Variants in TNRC18 observed in about 807,000 individuals in gnomAD.
TNRC18 encodes trinucleotide repeat containing 18, also known as trinucleotide repeat-containing gene 18 protein.
TNRC18 carries 69 observed loss-of-function variants against 226.7 expected under a neutral mutation model. The observed-to-expected ratio is 0.30, with a 90% CI of 0.25 to 0.37. TNRC18 has a LOEUF of 0.37. TNRC18 is among the 10% of genes least tolerant of loss of function. The pLI, the probability that TNRC18 is intolerant of heterozygous loss-of-function variation, is 1.00. For missense variants in TNRC18, 4,754 were observed against 4,256.6 expected (o/e 1.12, Z -3.25); for synonymous variants, 2,449 against 1,927.6 (o/e 1.27, Z -7.09).
At position 5,381,217 on chromosome 7, in the gene TNRC18, G is replaced by C. The variant is rs1341728595; in HGVS notation, c.2153-3193C>G. Among the ~76,000 whole-genome samples the C allele has an allele frequency of 5.3e-5, 8 of 152,312 alleles. No homozygotes were observed. The South Asian group carries it at 6.2e-4, about 12-fold the overall frequency. Reference sequence around the variant, plus strand: ...TCTGAAGAGAGATAGTGAGCCCTCTGTCCCCCACCCCTGCGCTTGGCCGGG... The same window carrying C: ...TCTGAAGAGAGATAGTGAGCCCTCTCTCCCCCACCCCTGCGCTTGGCCGGG... On this transcript the variant is annotated intron_variant, in intron 5 of 29. Coordinates refer to ENST00000430969, the MANE Select transcript of TNRC18 (RefSeq NM_001080495.3).
intron 9 of TNRC18, among the ~76,000 whole-genome samples, chr7:5,375,631 C>G (rs1794591242): frequency 1.3e-5 from 2 of 152,178 alleles, no homozygotes; most frequent in South Asian, 4.1e-4. Flanking sequence ...CAGGAGGCAG[C>G]TGGCCAGGCC....
chr7:5,377,694 C>G lies in TNRC18; in HGVS notation c.2256-118G>C. ...AGGCCATGAGTCAGGACAACCACTG[C>G]TCGGAACTGAAGGGCCTCCCGGGGC... On this transcript the variant is annotated intron_variant, in intron 6 of 29. Coordinates refer to ENST00000430969, the MANE Select transcript of TNRC18 (RefSeq NM_001080495.3). The surrounding 1 kb of genome is among the most constrained non-coding windows in gnomAD (Gnocchi z 5.8). The G allele has an allele frequency of 8.2e-7, 1 of 1,217,760 alleles. No individual in the cohort carries two copies. Among genetic ancestry groups the G allele is most frequent in the Non-Finnish European group, 1.1e-6 (1 of 871,080 alleles). 75.4% of individuals were successfully genotyped at this position (1,217,760 alleles called of 1,614,324 possible).
Position 5,377,348 on chromosome 7 carries a change from G to C in TNRC18, c.2461+23C>G. ...CCCACCCCTCCCTCAGAGAAGGGGA[G>C]AGACCCTGTGCCCCACACTCACCGT... On this transcript the variant is annotated intron_variant, in intron 7 of 29. Transcript: ENST00000430969. The surrounding 1 kb of genome is among the most constrained non-coding windows in gnomAD (Gnocchi z 5.8). 6.7e-7 allele frequency: 1 copy of C among 1,501,358 alleles called. No individual in the cohort carries two copies. Among genetic ancestry groups the C allele is most frequent in the South Asian group, 1.3e-5 (1 of 78,552 alleles). 93.0% of individuals were successfully genotyped at this position (1,501,358 alleles called of 1,614,324 possible). A position where few individuals can be genotyped will look rare whatever the true frequency, so the allele number is the denominator to read the frequency against.
At chr7:5,335,874 C>T (rs1790052227) in intron 18 of TNRC18, among the ~76,000 whole-genome samples, 1 of 150,986 alleles carries the variant, frequency 6.6e-6, no homozygotes, top group Non-Finnish European at 1.5e-5. Flanking sequence ...TCTGACTCTC[C>T]ACAACCTCAG....
intron 17 of TNRC18, among the ~76,000 whole-genome samples, chr7:5,349,552 G>A (rs1412880701): frequency 6.6e-6 from 1 of 152,194 alleles, no homozygotes; most frequent in African/African-American, 2.4e-5. Context: ...GGCGAACCCC[G>A]AGGAGGGAGG....
In TNRC18 at chr7:5,332,932, G is replaced by A. The variant is rs755490400; in HGVS notation, c.5837C>T (p.Pro1946Leu). 3 of 1,546,816 alleles carry A rather than the reference G, an allele frequency of 1.9e-6. No individual in the cohort carries two copies. Among genetic ancestry groups the A allele is most frequent in the East Asian group, 2.4e-5 (1 of 41,744 alleles). ...GTCGGGACCGCGGGCGCCAGGCGTG[G>A]GTGCGGCCAGGGAGGGTCCCGGCTC... is the stretch of plus-strand genomic sequence containing the variant. ...LGEPGPSLAA[P>L]TPGARGPDPS... The change falls in exon 19 of 30, where the codon CCC (proline) becomes CTC (leucine). Residue 1946 changes from proline to leucine, a missense_variant. By Grantham distance (98) the Pro-to-Leu change is moderately conservative. Transcript: ENST00000430969.
At chr7:5,399,354 C>T (rs4724669) in intron 2 of TNRC18, among the ~76,000 whole-genome samples, 6,533 of 152,258 alleles carry the variant, frequency 0.043, 320 homozygotes, top group African/African-American at 0.1. Context: ...AACTGGCTGC[C>T]GCCTACTCAC....
Position 5,374,162 on chromosome 7 carries a change from G to A in TNRC18, c.3122C>T (p.Pro1041Leu), listed in dbSNP as rs1363716780. ...PTSPPPASPPPTPGITRKEEA... is the reference protein window; with the variant it reads ...PTSPPPASPPLTPGITRKEEA... The stretch of plus-strand genomic sequence containing the variant: ...CTCCTTGCGGGTGATACCCGGGGTG[G>A]GCGGTGGGGAGGCGGGCGGCGGGCT... Residue 1041 changes from proline to leucine, a missense_variant, in exon 10 of 30, where the codon CCC becomes CTC. Transcript: ENST00000430969. The A allele has an allele frequency of 3.4e-6, 5 of 1,476,414 alleles. No homozygotes were observed. Among genetic ancestry groups the A allele is most frequent in the Non-Finnish European group, 4.5e-6 (5 of 1,116,140 alleles). The allele number at this position is 1,476,414 out of a possible 1,614,324, so 91.5% of individuals were successfully genotyped here. A position where few individuals can be genotyped will look rare whatever the true frequency, so the allele number is the denominator to read the frequency against.
At chr7:5,365,037 G>A (rs1704888907) in intron 11 of TNRC18, among the ~76,000 whole-genome samples, 1 of 151,938 alleles carries the variant, frequency 6.6e-6, no homozygotes, top group African/African-American at 2.4e-5. Context: ...GGGGGCGGGG[G>A]CGGAAGGGCA....
intron 2 of TNRC18, 85 bp downstream of exon 2, chr7:5,420,975 C>T (rs1782542096): frequency 6.6e-6 from 10 of 1,513,682 alleles, no homozygotes; most frequent in Non-Finnish European, 9.0e-6. Context: ...GTCGCCGAGC[C>T]CCGGCCGCGA....
chr7:5,355,724 T>G (rs1792297024), intron 16 of TNRC18, among the ~76,000 whole-genome samples: 1 of 151,708 alleles, frequency 6.6e-6, no homozygotes, highest in Non-Finnish European at 1.5e-5. Context: ...ACAAAAAATT[T>G]TAAAAATTAG....
At chr7:5,378,953 G>GT (rs1258370088) in intron 5 of TNRC18, among the ~76,000 whole-genome samples, 2 of 151,582 alleles carry the variant, frequency 1.3e-5, no homozygotes, top group Admixed American at 6.6e-5. Context: ...GGGAGGCCGG[G>GT]TGGGGGGGGC....
At chr7:5,375,497 G>A (rs1794572126) in intron 9 of TNRC18, among the ~76,000 whole-genome samples, 1 of 152,168 alleles carries the variant, frequency 6.6e-6, no homozygotes, top group African/African-American at 2.4e-5. Flanking sequence ...ACACAGCCAG[G>A]CCTGGCAGAG....
chr7:5,351,779 T>A (rs764092311), intron 17 of TNRC18, 40 bp downstream of exon 17: 1 of 1,528,680 alleles, frequency 6.5e-7, no homozygotes, highest in Non-Finnish European at 8.8e-7. Context: ...ACTCTCTCGC[T>A]AGGAAACACG....
chr7:5,399,355 G>A lies in TNRC18; in HGVS notation c.188-4760C>T, dbSNP rs777977299. 3.3e-5 allele frequency among the ~76,000 whole-genome samples: 5 copies of A among 152,132 alleles called. No homozygotes were observed. In the South Asian group the frequency reaches 6.2e-4, roughly 19 times the overall value. On this transcript the variant is annotated intron_variant, in intron 2 of 29. Coordinates refer to ENST00000430969, the MANE Select transcript of TNRC18 (RefSeq NM_001080495.3). ...TCCCCAAATCAAGTAACTGGCTGCC[G>A]CCTACTCACCCCAGTTATTATCTCA...
intron 5 of TNRC18, among the ~76,000 whole-genome samples, chr7:5,383,578 G>C (rs1004891980): frequency 1.3e-5 from 2 of 152,148 alleles, no homozygotes; most frequent in African/African-American, 4.8e-5. Flanking sequence ...CAGAGGGCTC[G>C]CTCCAAAAAG....
At chr7:5,382,103 A>G (rs1320226748) in intron 5 of TNRC18, among the ~76,000 whole-genome samples, 1 of 152,228 alleles carries the variant, frequency 6.6e-6, no homozygotes, top group East Asian at 1.9e-4. Context: ...TCAACCCAGG[A>G]GGCAGATCCC....
intron 17 of TNRC18, among the ~76,000 whole-genome samples, chr7:5,349,446 C>T (rs1183055183): frequency 6.6e-6 from 1 of 152,146 alleles, no homozygotes; most frequent in Admixed American, 6.5e-5. Context: ...AAGAAAAAAG[C>T]AACAACAAAA....
chr7:5,376,118 C>G lies in TNRC18; in HGVS notation c.2715G>C (p.Gln905His). Residue 905 changes from glutamine (Q) to histidine (H), a missense_variant, in exon 9 of 30, where the codon CAG becomes CAC. By Grantham distance (24) the Gln-to-His change is conservative. Coordinates refer to ENST00000430969, the MANE Select transcript of TNRC18 (RefSeq NM_001080495.3). ...GGAACTCCTGCTGCCGCAGGAAGTGCTGCTGTGAGAAGAGCTGCAGCTGCT... is the reference window on the plus strand; with the variant it reads ...GGAACTCCTGCTGCCGCAGGAAGTGGTGCTGTGAGAAGAGCTGCAGCTGCT... ...HAQQLQLFSQ[Q>H]HFLRQQEFLY... The G allele has an allele frequency of 6.3e-7, 1 of 1,590,982 alleles. No homozygotes were observed. The highest frequency in any genetic ancestry group is 1.8e-5 in the Admixed American group (1 of 56,536).
Sources: allele counts gnomAD v4.1 joint callset (sites outside exome capture counted in the v4.1 genomes callset), GRCh38; gene constraint gnomAD v4.1.1; non-coding constraint Gnocchi (gnomAD v3.1); transcripts MANE v1.5; gene names NCBI Gene and HGNC (gene_info 2026-07-23, HGNC 2026-07-21).